The following DCAF8 variants were observed in gnomAD, a reference collection of about 807,000 sequenced individuals.
DCAF8 encodes the protein DDB1 and CUL4 associated factor 8, also known as DDB1- and CUL4-associated factor 8.
DCAF8 carries 20 observed loss-of-function variants against 68.0 expected under a neutral mutation model. That is an observed-to-expected ratio of 0.29 (90% CI 0.21 to 0.43). DCAF8 has a LOEUF of 0.43. Among genes scored for constraint, DCAF8 ranks in the 20% least tolerant of loss-of-function variants. The probability of loss-of-function intolerance (pLI) is 1.00; values close to 1 mark genes in which losing one functional copy is unlikely to be tolerated. For synonymous variants in DCAF8, 230 were observed against 276.9 expected (o/e 0.83, Z 1.68); for missense variants, 460 against 771.0 (o/e 0.60, Z 4.78).
At chr1:160,241,892 A>C (rs1656129212) in intron 3 of DCAF8, among the ~76,000 whole-genome samples, 1 of 152,182 alleles carries the variant, frequency 6.6e-6, no homozygotes, top group Non-Finnish European at 1.5e-5. Flanking sequence ...ATACTGAAAA[A>C]AGATCAACAA....
At chr1:160,222,448 C>A (rs1025834055) in intron 11 of DCAF8, among the ~76,000 whole-genome samples, 1 of 152,166 alleles carries the variant, frequency 6.6e-6, no homozygotes, top group Non-Finnish European at 1.5e-5. Context: ...ATAAACTGTG[C>A]TTTACAGGGA....
At chr1:160,243,296 G>A (rs1656189480) in intron 3 of DCAF8, among the ~76,000 whole-genome samples, 1 of 152,018 alleles carries the variant, frequency 6.6e-6, no homozygotes, top group African/African-American at 2.4e-5. Flanking sequence ...GGAAAGGAAG[G>A]AAGGAAGGAA....
At chr1:160,218,652 A>T (rs1003713054) in intron 12 of DCAF8, among the ~76,000 whole-genome samples, 197 bp downstream of exon 12, 2 of 152,182 alleles carry the variant, frequency 1.3e-5, no homozygotes, top group African/African-American at 4.8e-5. Flanking sequence ...TCCCCATCCT[A>T]TTACAAATTA....
chr1:160,245,462 C>T (rs1656285018), intron 2 of DCAF8, among the ~76,000 whole-genome samples: 1 of 152,180 alleles, frequency 6.6e-6, no homozygotes, highest in Non-Finnish European at 1.5e-5. Flanking sequence ...ATCTTTTCCT[C>T]CGCTACCCTC....
intron 2 of DCAF8, among the ~76,000 whole-genome samples, chr1:160,248,386 T>G (rs1210368709): frequency 6.6e-6 from 1 of 151,920 alleles, no homozygotes. Flanking sequence ...GAAGAAAGTA[T>G]CTACAAAACA....
At chr1:160,227,111 C>A (rs1325494229) in intron 7 of DCAF8, among the ~76,000 whole-genome samples, 2 of 152,148 alleles carry the variant, frequency 1.3e-5, no homozygotes, top group Non-Finnish European at 2.9e-5. Context: ...AATATTTGTA[C>A]TTCAAGTTAA....
Position 160,246,358 on chromosome 1 carries a change from T to C in DCAF8, c.-26-2324A>G, listed in dbSNP as rs145729712. Among the ~76,000 whole-genome samples the C allele has an allele frequency of 8.1e-4, 124 of 152,288 alleles. 1 individual carries two copies. The highest frequency in any genetic ancestry group is 2.9e-3 in the African/African-American group (119 of 41,544). ...TACAGGAGCCCAGACTGCCTGAACT[T>C]TTGACTCATAATTGCTCTAGAAAAT... On this transcript the variant is annotated intron_variant, in intron 2 of 13. Transcript: ENST00000368074.
In DCAF8 at chr1:160,237,808, G is replaced by A. The variant is rs370966751; in HGVS notation, c.865-579C>T. On this transcript the variant is annotated intron_variant, in intron 5 of 13. Transcript: ENST00000368074. ...TCCCACCTCAGCCTCCCAAAGTATT[G>A]GGATTACAGGCATAAGCCACCACAC... Among the ~76,000 whole-genome samples, 50 of 152,122 alleles carry A rather than the reference G, an allele frequency of 3.3e-4. 1 individual carries two copies. In the East Asian group the frequency reaches 7.3e-3, roughly 22 times the overall value.
chr1:160,242,020 A>G (rs1017411796), intron 3 of DCAF8, among the ~76,000 whole-genome samples: 2 of 152,220 alleles, frequency 1.3e-5, no homozygotes, highest in Admixed American at 1.3e-4. Context: ...AGGCGGGTGG[A>G]TCACCTAAGG....
chr1:160,239,377 T>A, intron 4 of DCAF8: 1 of 1,382,464 alleles, frequency 7.2e-7, no homozygotes, highest in South Asian at 1.7e-5. Flanking sequence ...ACTGAGCTAG[T>A]AAGCAGAAGG....
chr1:160,222,710 G>A lies in DCAF8; in HGVS notation c.1381C>T (p.Leu461Phe), dbSNP rs142684645. 3.1e-6 allele frequency: 5 copies of A among 1,614,040 alleles called. No homozygotes were observed. The East Asian group carries it at 8.9e-5, about 29-fold the overall frequency. ...VSGSDCGHIF[L>F]WEKSSCQIIQ... ...ATCTGGCAGGATGATTTCTCCCAGA[G>A]GAAGATGTGCCCACAGTCACTACCG... The change falls in exon 11 of 14, where the codon CTC (leucine) becomes TTC (phenylalanine). Residue 461 changes from leucine (L) to phenylalanine (F), a missense_variant. Physicochemically the swap from Leu to Phe is conservative, Grantham distance 22. Around this residue, in one of 8 missense-constraint regions of DCAF8, gnomAD observed 30 missense variants for 69.6 expected, o/e 0.43. Transcript: ENST00000368074.
chr1:160,254,621 A>G (rs59567165), intron 2 of DCAF8, among the ~76,000 whole-genome samples: 2,409 of 151,966 alleles, frequency 0.016, 61 homozygotes, highest in African/African-American at 0.049. Flanking sequence ...GTAAAACCCC[A>G]TTTCTACTAA....
At chr1:160,259,207 ATAT>A (rs1460141618) in intron 2 of DCAF8, among the ~76,000 whole-genome samples, 1 of 152,212 alleles carries the variant, frequency 6.6e-6, no homozygotes, top group African/African-American at 2.4e-5. Context: ...CTGTGCTGTC[ATAT>A]TATTAAGACG....
At chr1:160,258,206 G>A (rs1464268082) in intron 2 of DCAF8, among the ~76,000 whole-genome samples, 1 of 152,078 alleles carries the variant, frequency 6.6e-6, no homozygotes, top group Admixed American at 6.5e-5. Context: ...AATTAGCCAG[G>A]TACGGTGGCG....
intron 2 of DCAF8, among the ~76,000 whole-genome samples, chr1:160,244,986 C>T (rs887202710): frequency 3.3e-5 from 5 of 152,180 alleles, no homozygotes; most frequent in African/African-American, 9.7e-5. Flanking sequence ...GCACCCTATC[C>T]CTAGGAAAGA....
intron 10 of DCAF8, 23 bp downstream of exon 10, chr1:160,224,419 G>A (rs1356661319): frequency 1.9e-6 from 3 of 1,590,132 alleles, no homozygotes; most frequent in Non-Finnish European, 2.6e-6. Flanking sequence ...TTGGGCCAAA[G>A]AAACCTAGGA....
intron 13 of DCAF8, chr1:160,217,973 G>A (rs1655179590): frequency 1.9e-6 from 1 of 514,152 alleles, no homozygotes; most frequent in East Asian, 3.1e-5. Context: ...ACCAGCAGCA[G>A]GCCAACTGCC....
chr1:160,258,164 T>C (rs1656914482), intron 2 of DCAF8, among the ~76,000 whole-genome samples: 1 of 151,686 alleles, frequency 6.6e-6, no homozygotes, highest in African/African-American at 2.4e-5. Context: ...CTGGGCAATA[T>C]GGTGAAACCT....
chr1:160,257,830 A>C (rs1027418142), intron 2 of DCAF8, among the ~76,000 whole-genome samples: 2 of 152,342 alleles, frequency 1.3e-5, no homozygotes, highest in African/African-American at 4.8e-5. Context: ...TCCTGGACTC[A>C]AACAATCCTC....
Sources: gnomAD v4.1 joint callset for allele counts (sites outside exome capture counted in the v4.1 genomes callset) on GRCh38, gnomAD v4.1.1 for gene constraint, gnomAD v4.1.1 regional missense constraint, MANE v1.5 for transcripts, NCBI Gene and HGNC (gene_info 2026-07-23, HGNC 2026-07-21) for gene names.